Variants in MSH6 observed in about 807,000 individuals in gnomAD.
MSH6 encodes mutS homolog 6, also known as DNA mismatch repair protein Msh6.
In MSH6, 85 loss-of-function variants were observed where a neutral mutation model predicts 119.1. That is an observed-to-expected ratio of 0.71 (90% CI 0.60 to 0.85). MSH6 has a LOEUF of 0.85. MSH6 is among the 40% of genes least tolerant of loss of function. MSH6 has a pLI of 0.00. For synonymous variants in MSH6, 830 were observed against 586.9 expected (o/e 1.41, Z -5.99); for missense variants, 2,163 against 1,655.3 (o/e 1.31, Z -5.32).
chr2:47,800,779 C>G lies in MSH6; in HGVS notation c.2796C>G (p.Gly932=). Residue 932 remains glycine (G), a synonymous_variant, in exon 4 of 10, where the codon GGC becomes GGG. Coordinates refer to ENST00000234420, the MANE Select transcript of MSH6 (RefSeq NM_000179.3). ...CTGGACTTATTACTCCCAAAGCAGG[C>G]TTTGACTCTGATTATGACCAAGCTC... is the stretch of plus-strand genomic sequence containing the variant. ...RKTGLITPKA[G]FDSDYDQALA... 1 of 1,614,148 alleles carries G rather than the reference C, an allele frequency of 6.2e-7. No homozygotes were observed. Among genetic ancestry groups the G allele is most frequent in the Non-Finnish European group, 8.5e-7 (1 of 1,180,030 alleles).
In MSH6 at chr2:47,806,373, TTTTTTTCCACAAATTCGG is replaced by T; in HGVS notation, c.3801+22_3801+39del. The stretch of plus-strand genomic sequence containing the variant: ...TAGGACATATGGTATGTGCAAATTG[TTTTTTTCCACAAATTCGG>T]TTTTTTGAGAGGGCACTTCTCTTGC... On this transcript the variant is annotated intron_variant, in intron 8 of 9. Coordinates refer to ENST00000234420, the MANE Select transcript of MSH6 (RefSeq NM_000179.3). 6.2e-7 allele frequency: 1 copy of T among 1,613,874 alleles called. No homozygotes were observed.
chr2:47,797,657 G>A (rs978513155), intron 3 of MSH6, among the ~76,000 whole-genome samples: 2 of 152,222 alleles, frequency 1.3e-5, no homozygotes, highest in African/African-American at 4.8e-5. Flanking sequence ...GTAGTTAGAG[G>A]TGGGGTCTCA....
rs267608102 is a variant in MSH6, at chr2:47,805,601, ATTTT to A, written c.3557-7_3557-4del. 2.7e-5 allele frequency: 36 copies of A among 1,346,590 alleles called. No individual in the cohort carries two copies. Among genetic ancestry groups the A allele is most frequent in the Non-Finnish European group, 3.2e-5 (31 of 960,548 alleles). 83.4% of individuals were successfully genotyped at this position (1,346,590 alleles called of 1,614,324 possible). On this transcript the variant is annotated splice_polypyrimidine_tract_variant and intron_variant, in intron 6 of 9. Transcript: ENST00000234420. ...TTTGCAAAATGAGTATTCATTTGTG[ATTTT>A]TTTTTTTTTAAGGTGAAAGTACATT...
chr2:47,795,782 T>G, intron 2 of MSH6, 112 bp from the exon 3 acceptor site: 1 of 909,532 alleles, frequency 1.1e-6, no homozygotes, highest in Non-Finnish European at 1.8e-6. Flanking sequence ...ATATATATTT[T>G]AAGATAGAGA....
intron 1 of MSH6, among the ~76,000 whole-genome samples, chr2:47,785,706 C>T (rs1668309510): frequency 6.6e-6 from 1 of 152,176 alleles, no homozygotes; most frequent in African/African-American, 2.4e-5. Context: ...GAGCCAGCAT[C>T]CGCAATAACA....
At chr2:47,805,498 A>C in intron 6 of MSH6, 120 bp from the exon 7 acceptor site, 2 of 780,626 alleles carry the variant, frequency 2.6e-6, no homozygotes, top group Non-Finnish European at 4.5e-6. Flanking sequence ...TAGTCTCTTA[A>C]TGAGATTTAA....
In MSH6 at chr2:47,800,023, C is replaced by T. The variant is rs746448428; in HGVS notation, c.2040C>T (p.Ala680=). The part of the protein sequence containing the change: ...GLTPGEKSEL[A]LSALGGCVFY... ...CACCAGGAGAGAAAAGTGAATTGGC[C>T]CTCTCTGCTCTAGGTGGTTGTGTCT... The change falls in exon 4 of 10, where the codon GCC becomes GCT. Residue 680 remains alanine, a synonymous_variant. Transcript: ENST00000234420. 5 of 1,613,786 alleles carry T rather than the reference C, an allele frequency of 3.1e-6. No individual in the cohort carries two copies. Among genetic ancestry groups the T allele is most frequent in the South Asian group, 2.2e-5 (2 of 91,050 alleles).
chr2:47,785,669 A>G (rs546675364), intron 1 of MSH6, among the ~76,000 whole-genome samples: 1 of 152,326 alleles, frequency 6.6e-6, no homozygotes, highest in South Asian at 2.1e-4. Context: ...ATAGTTGTGC[A>G]TTAGTAGAAT....
Position 47,795,882 on chromosome 2 carries a change from A to T in MSH6, c.458-12A>T, listed in dbSNP as rs1558656383. 6.2e-7 allele frequency: 1 copy of T among 1,613,100 alleles called. No homozygotes were observed. The highest frequency in any genetic ancestry group is 8.5e-7 in the Non-Finnish European group (1 of 1,179,282). The stretch of plus-strand genomic sequence containing the variant: ...CCCGGCCCTTATTGTTTATAAATAC[A>T]TTTCTTTCTAGGTTCAAAATCAAAG... On this transcript the variant is annotated splice_polypyrimidine_tract_variant and intron_variant, in intron 2 of 9. Coordinates refer to ENST00000234420, the MANE Select transcript of MSH6 (RefSeq NM_000179.3).
At chr2:47,788,946 T>TTTG (rs1553409740) in intron 1 of MSH6, among the ~76,000 whole-genome samples, 2 of 115,750 alleles carry the variant, frequency 1.7e-5, no homozygotes, top group Non-Finnish European at 3.5e-5. Flanking sequence ...TTTTTTTTTT[T>TTTG]TGTGAGACGG....
At chr2:47,808,203 G>A (rs780870758), downstream of MSH6, 2 of 1,613,376 alleles carry the variant, frequency 1.2e-6, no homozygotes, top group Non-Finnish European at 1.7e-6. Flanking sequence ...ACCAGCTAAT[G>A]TACAAGGATT....
In MSH6 at chr2:47,806,269, A is replaced by C. The variant is rs1000702910; in HGVS notation, c.3712A>C (p.Thr1238Pro). 2.5e-6 allele frequency: 4 copies of C among 1,613,954 alleles called. No homozygotes were observed. The highest frequency in any genetic ancestry group is 3.4e-6 in the Non-Finnish European group (4 of 1,179,944). Residue 1238 changes from threonine (T) to proline (P), a missense_variant, in exon 8 of 10, where the codon ACT (threonine) becomes CCT (proline). Transcript: ENST00000234420. Reference protein sequence around the residue: ...ANAVVKELAETIKCRTLFSTH... With the variant: ...ANAVVKELAEPIKCRTLFSTH... ...TGCAGTTGTTAAAGAACTTGCTGAG[A>C]CTATAAAATGTCGTACATTATTTTC...
At chr2:47,803,324 A>G in intron 4 of MSH6, 96 bp from the exon 5 acceptor site, 5 of 1,496,404 alleles carry the variant, frequency 3.3e-6, no homozygotes, top group Non-Finnish European at 4.6e-6. Flanking sequence ...GTTATGTCTT[A>G]TAATGAAATG....
chr2:47,783,202 G>A lies in MSH6; in HGVS notation c.-32G>A, dbSNP rs2103928799. The A allele has an allele frequency of 2.5e-6, 4 of 1,609,848 alleles. No homozygotes were observed. The highest frequency in any genetic ancestry group is 1.3e-5 in the African/African-American group (1 of 74,420). On this transcript the variant is annotated 5_prime_UTR_variant, in exon 1 of 10. Coordinates refer to ENST00000234420, the MANE Select transcript of MSH6 (RefSeq NM_000179.3). ...TGCGGTGCTTTTAGGAGCTCCGTCC[G>A]ACAGAACGGTTGGGCCTTGCCGGCT...
rs1057521386 is a variant in MSH6 at position 47,800,305 on chromosome 2, A to G, written c.2322A>G (p.Leu774=). ...ATACTCCTTTTGGTAAGCGGCTCCT[A>G]AAGCAATGGCTTTGTGCCCCACTCT... The part of the protein sequence containing the change: ...TCHTPFGKRL[L]KQWLCAPLCN... Residue 774 remains leucine (L), a synonymous_variant, in exon 4 of 10, where the codon CTA becomes CTG. Transcript: ENST00000234420. 6.2e-7 allele frequency: 1 copy of G among 1,614,182 alleles called. No individual in the cohort carries two copies.
rs587781318 is a variant in MSH6 at position 47,800,759 on chromosome 2, C to T, written c.2776C>T (p.Leu926Phe). 6 of 1,614,022 alleles carry T rather than the reference C, an allele frequency of 3.7e-6. No individual in the cohort carries two copies. The highest frequency in any genetic ancestry group is 2.7e-5 in the African/African-American group (2 of 74,926). The change falls in exon 4 of 10, where the codon CTT becomes TTT. Residue 926 changes from leucine (L) to phenylalanine (F), a missense_variant. Physicochemically the swap from Leu to Phe is conservative, Grantham distance 22. Transcript: ENST00000234420. ...CCATGAAAAGGCTCGAAAGACTGGA[C>T]TTATTACTCCCAAAGCAGGCTTTGA... ...FDHEKARKTGLITPKAGFDSD... is the reference protein window; with the variant it reads ...FDHEKARKTGFITPKAGFDSD...
chr2:47,809,582 T>TA, downstream of MSH6: 1 of 1,544,698 alleles, frequency 6.5e-7, no homozygotes, highest in Non-Finnish European at 8.9e-7. Flanking sequence ...TTTATAGGTA[T>TA]AGCAGACTCC....
chr2:47,799,219 G>A lies in MSH6; in HGVS notation c.1236G>A (p.Lys412=), dbSNP rs1553412665. ...ATTCTTGTACTCCTGGGATGAGGAA[G>A]TGGTGGCAGATTAAGTCTCAGAACT... ...FLNSCTPGMR[K]WWQIKSQNFD... is the part of the protein sequence containing the mutation. The change falls in exon 4 of 10, where the codon AAG becomes AAA. Residue 412 remains lysine (K), a synonymous_variant. Coordinates refer to ENST00000234420, the MANE Select transcript of MSH6 (RefSeq NM_000179.3). 1.9e-6 allele frequency: 3 copies of A among 1,614,174 alleles called. No homozygotes were observed. Among genetic ancestry groups the A allele is most frequent in the Non-Finnish European group, 2.5e-6 (3 of 1,180,024 alleles).
intron 1 of MSH6, among the ~76,000 whole-genome samples, chr2:47,787,103 A>G (rs1456873693): frequency 6.6e-6 from 1 of 152,208 alleles, no homozygotes; most frequent in African/African-American, 2.4e-5. Context: ...AGGCAGGCCA[A>G]CATGGCTAGA....
Sources: gnomAD v4.1 joint callset for allele counts (sites outside exome capture counted in the v4.1 genomes callset) on GRCh38, gnomAD v4.1.1 for gene constraint, MANE v1.5 for transcripts, NCBI Gene and HGNC (gene_info 2026-07-23, HGNC 2026-07-21) for gene names.